The following GRAP2 variants were observed in gnomAD, a reference collection of about 807,000 sequenced individuals.
The protein encoded by GRAP2 is GRB2 related adaptor protein 2, also known as GRB2-related adapter protein 2.
Under a neutral mutation model 43.5 loss-of-function variants are expected in GRAP2, and 31 were observed. The observed-to-expected ratio is 0.71, with a 90% CI of 0.54 to 0.96. GRAP2 has a LOEUF of 0.96. Among genes scored for constraint, GRAP2 ranks in the 40% least tolerant of loss-of-function variants. GRAP2 has a pLI of 0.00. For synonymous variants in GRAP2, 156 were observed against 164.8 expected (o/e 0.95, Z 0.41); for missense variants, 371 against 424.4 (o/e 0.87, Z 1.11).
intron 1 of GRAP2, among the ~76,000 whole-genome samples, chr22:39,924,563 G>C (rs538138750): frequency 6.6e-5 from 10 of 152,312 alleles, no homozygotes; most frequent in Non-Finnish European, 1.5e-4. Flanking sequence ...TTAGCCGGAC[G>C]TGGTGGTGGG....
chr22:39,967,581 G>A (rs1288999451), intron 5 of GRAP2, among the ~76,000 whole-genome samples: 1 of 152,212 alleles, frequency 6.6e-6, no homozygotes, highest in African/African-American at 2.4e-5. Flanking sequence ...CCATGGTGTT[G>A]CAAGAATGTT....
intron 1 of GRAP2, among the ~76,000 whole-genome samples, chr22:39,919,888 A>G (rs966465078): frequency 3.9e-5 from 6 of 152,212 alleles, no homozygotes; most frequent in African/African-American, 1.2e-4. Flanking sequence ...GTATTAGTCT[A>G]TTTATTCCTA....
chr22:39,917,695 C>T (rs537593333), intron 1 of GRAP2, among the ~76,000 whole-genome samples: 29 of 152,184 alleles, frequency 1.9e-4, no homozygotes, highest in Non-Finnish European at 3.7e-4. Flanking sequence ...TGTAGAAGCA[C>T]AGCACCTGGG....
At chr22:39,922,014 A>G (rs1352596634) in intron 1 of GRAP2, among the ~76,000 whole-genome samples, 1 of 152,218 alleles carries the variant, frequency 6.6e-6, no homozygotes, top group Non-Finnish European at 1.5e-5. Context: ...AAAACCACCT[A>G]ATTCTCAGAT....
At chr22:39,913,492 G>A (rs1317954065) in intron 1 of GRAP2, among the ~76,000 whole-genome samples, 2 of 152,174 alleles carry the variant, frequency 1.3e-5, no homozygotes, top group African/African-American at 4.8e-5. Context: ...GCCAGCAGCA[G>A]GCATGACCGA....
intron 3 of GRAP2, among the ~76,000 whole-genome samples, chr22:39,958,005 C>T (rs2067076511): frequency 6.6e-6 from 1 of 152,062 alleles, no homozygotes; most frequent in South Asian, 2.1e-4. Context: ...CTTCCACTTG[C>T]CACTCCATCT....
chr22:39,932,023 AAAGGCTTCATTCTAG>A, intron 1 of GRAP2, among the ~76,000 whole-genome samples: 1 of 152,186 alleles, frequency 6.6e-6, no homozygotes, highest in African/African-American at 2.4e-5. Context: ...TAGAACATCT[AAAGGCTTCATTCTAG>A]AACCTTCATA....
At position 39,953,252 on chromosome 22, in the gene GRAP2, G is replaced by A. The variant is rs190423207; in HGVS notation, c.79-2567G>A. Among the ~76,000 whole-genome samples the A allele has an allele frequency of 4.6e-5, 7 of 152,198 alleles. No individual in the cohort carries two copies. The East Asian group carries it at 1.4e-3, about 29-fold the overall frequency. On this transcript the variant is annotated intron_variant, in intron 2 of 7. Coordinates refer to ENST00000344138, the MANE Select transcript of GRAP2 (RefSeq NM_004810.4). ...GCTCCCTGAGCTTTTCTTCTTAGTT[G>A]AAGAATTCAACTCACAGTCACCCGC...
At chr22:39,969,116 A>T (rs2067210667) in intron 6 of GRAP2, among the ~76,000 whole-genome samples, 1 of 152,248 alleles carries the variant, frequency 6.6e-6, no homozygotes, top group Admixed American at 6.5e-5. Flanking sequence ...CCATGAAGCC[A>T]GAGACCTTCT....
chr22:39,925,609 C>T (rs780195728), intron 1 of GRAP2, among the ~76,000 whole-genome samples: 11 of 152,200 alleles, frequency 7.2e-5, no homozygotes, highest in Non-Finnish European at 1.6e-4. Context: ...CTCAGATCTT[C>T]CTGTGCTCCA....
intron 2 of GRAP2, among the ~76,000 whole-genome samples, chr22:39,951,622 GTAAAAC>G (rs1173892140): frequency 6.6e-6 from 1 of 152,078 alleles, no homozygotes; most frequent in East Asian, 1.9e-4. Flanking sequence ...ACAGTCAAGA[GTAAAAC>G]TTCAAGTGTT....
rs1017228119 is a variant in GRAP2, at chr22:39,970,933, A to C, written c.842A>C (p.Asp281Ala). 1 of 1,612,152 alleles carries C rather than the reference A, an allele frequency of 6.2e-7. No homozygotes were observed. Among genetic ancestry groups the C allele is most frequent in the Admixed American group, 1.7e-5 (1 of 59,520 alleles). The change falls in exon 8 of 8, where the codon GAC becomes GCC. Residue 281 changes from aspartate (D) to alanine (A), a missense_variant. Physicochemically the swap from Asp to Ala is moderately radical, Grantham distance 126. Coordinates refer to ENST00000344138, the MANE Select transcript of GRAP2 (RefSeq NM_004810.4). ...GTGCGGTGGGCCCGGGCGCTGTATGACTTTGAGGCCCTGGAGGATGACGAG... is the reference window on the plus strand; with the variant it reads ...GTGCGGTGGGCCCGGGCGCTGTATGCCTTTGAGGCCCTGGAGGATGACGAG... ...GRVRWARALY[D>A]FEALEDDELG...
intron 1 of GRAP2, among the ~76,000 whole-genome samples, chr22:39,901,863 T>A (rs1016412750): frequency 6.6e-6 from 1 of 152,226 alleles, no homozygotes; most frequent in Admixed American, 6.5e-5. Context: ...TGGAAGGGTA[T>A]TGTCTCTCTT....
At chr22:39,954,143 G>A (rs1323243632) in intron 2 of GRAP2, among the ~76,000 whole-genome samples, 2 of 152,162 alleles carry the variant, frequency 1.3e-5, no homozygotes, top group Non-Finnish European at 2.9e-5. Context: ...TCTACATATG[G>A]ATGCCTTTTC....
Position 39,966,167 on chromosome 22 carries a change from C to T in GRAP2, c.459+9C>T, listed in dbSNP as rs1569216939. On this transcript the variant is annotated intron_variant, in intron 5 of 7. Coordinates refer to ENST00000344138, the MANE Select transcript of GRAP2 (RefSeq NM_004810.4). ...GAACCCGAGAAGACCAGGTATGCTCCAGATCCAGTCGACCCCAATCTAGAG... is the reference window on the plus strand; with the variant it reads ...GAACCCGAGAAGACCAGGTATGCTCTAGATCCAGTCGACCCCAATCTAGAG... The T allele has an allele frequency of 2.3e-5, 37 of 1,610,556 alleles. No individual in the cohort carries two copies. The highest frequency in any genetic ancestry group is 3.1e-5 in the Non-Finnish European group (37 of 1,177,356).
At chr22:39,955,783 C>A in intron 2 of GRAP2, 36 bp from the exon 3 acceptor site, 2 of 1,080,254 alleles carry the variant, frequency 1.9e-6, no homozygotes, top group South Asian at 2.5e-5. Flanking sequence ...GGTGTCCTCC[C>A]TCCAATGTCT....
chr22:39,926,071 AC>A (rs1433261430), intron 1 of GRAP2, among the ~76,000 whole-genome samples: 2 of 152,212 alleles, frequency 1.3e-5, no homozygotes, highest in African/African-American at 2.4e-5. Flanking sequence ...CTGTCCTTCA[AC>A]TGTGAGCTCC....
At chr22:39,915,674 T>G (rs2066597459) in intron 1 of GRAP2, among the ~76,000 whole-genome samples, 1 of 152,212 alleles carries the variant, frequency 6.6e-6, no homozygotes. Context: ...GAGATGAGCC[T>G]GGGGTGTCAC....
intron 4 of GRAP2, 45 bp downstream of exon 4, chr22:39,960,219 A>G: frequency 1.3e-6 from 2 of 1,585,068 alleles, no homozygotes; most frequent in Non-Finnish European, 1.7e-6. Flanking sequence ...TCGGCCTGTT[A>G]ACCTCACAGA....
Sources: gnomAD v4.1 joint callset for allele counts (sites outside exome capture counted in the v4.1 genomes callset) on GRCh38, gnomAD v4.1.1 for gene constraint, MANE v1.5 for transcripts, NCBI Gene and HGNC (gene_info 2026-07-23, HGNC 2026-07-21) for gene names.